Variants in ANXA3 observed in about 807,000 individuals in gnomAD.
The protein encoded by ANXA3 is 35-alpha calcimedin.
A neutral mutation model predicts 48.8 loss-of-function variants in ANXA3; 46 were observed. The ratio of observed to expected loss-of-function variants is 0.94; its 90% CI spans 0.74 to 1.21. The LOEUF (loss-of-function observed/expected upper bound fraction) is 1.21. ANXA3 is among the 50% of genes most tolerant of loss of function. The pLI is 0.00. For synonymous variants in ANXA3, 128 were observed against 134.7 expected (o/e 0.95, Z 0.35); for missense variants, 383 against 378.6 (o/e 1.01, Z -0.10).
At chr4:78,583,251 A>G (rs1723109554) in intron 5 of ANXA3, among the ~76,000 whole-genome samples, 1 of 152,150 alleles carries the variant, frequency 6.6e-6, no homozygotes, top group Non-Finnish European at 1.5e-5. Context: ...CTGTGGTGGG[A>G]GGATCACCTG....
rs191992362 is a variant in ANXA3, at chr4:78,580,138, G to T, written c.198+1017G>T. 2.4e-3 allele frequency among the ~76,000 whole-genome samples: 373 copies of T among 152,270 alleles called. 2 individuals carry two copies. Among genetic ancestry groups the T allele is most frequent in the African/African-American group, 8.4e-3 (347 of 41,554 alleles). ...AAGTAAATAAAAATAATTCAGATAT[G>T]ATAAGTGATATGAAAGAATTAAAAT... On this transcript the variant is annotated intron_variant, in intron 4 of 12. Transcript: ENST00000264908.
chr4:78,604,546 T>C, intron 12 of ANXA3, 147 bp downstream of exon 12: 1 of 619,568 alleles, frequency 1.6e-6, no homozygotes, highest in Non-Finnish European at 2.5e-6. Context: ...CTTAAAATAG[T>C]AGCAGCAAAA....
intron 2 of ANXA3, among the ~76,000 whole-genome samples, chr4:78,563,348 T>C (rs1003768536): frequency 6.6e-6 from 1 of 152,192 alleles, no homozygotes; most frequent in Non-Finnish European, 1.5e-5. Flanking sequence ...CCCCAAATCC[T>C]GCAAAGCCAG....
intron 6 of ANXA3, among the ~76,000 whole-genome samples, chr4:78,587,990 G>A (rs1029975963): frequency 4.6e-5 from 7 of 152,312 alleles, no homozygotes; most frequent in African/African-American, 7.2e-5. Flanking sequence ...CAGCTACTCA[G>A]GAGGCTGAGG....
At chr4:78,591,500 T>C in intron 6 of ANXA3, 44 bp from the exon 7 acceptor site, 1 of 1,325,130 alleles carries the variant, frequency 7.5e-7, no homozygotes, top group Non-Finnish European at 1.1e-6. Flanking sequence ...ATAATCATAT[T>C]TTTCAGTTTG....
At position 78,579,754 on chromosome 4, in the gene ANXA3, C is replaced by T. The variant is rs1195505473; in HGVS notation, c.198+633C>T. Among the ~76,000 whole-genome samples, 25 of 152,146 alleles carry T rather than the reference C, an allele frequency of 1.6e-4. No homozygotes were observed. In the East Asian group the frequency reaches 3.1e-3, roughly 19 times the overall value. On this transcript the variant is annotated intron_variant, in intron 4 of 12. Coordinates refer to ENST00000264908, the MANE Select transcript of ANXA3 (RefSeq NM_005139.3). ...GACCAGCCTGGCCAACATGGTGTAA[C>T]CCCATTTCTACTAAAAATACTGAAA...
intron 1 of ANXA3, 115 bp from the exon 2 acceptor site, chr4:78,554,321 G>C: frequency 1.3e-6 from 1 of 744,056 alleles, no homozygotes; most frequent in South Asian, 1.6e-5. Flanking sequence ...TCCTGAGAAG[G>C]TTTTTCTGTG....
intron 12 of ANXA3, among the ~76,000 whole-genome samples, chr4:78,608,886 T>C (rs1421594411): frequency 6.6e-6 from 1 of 152,202 alleles, no homozygotes; most frequent in Admixed American, 6.5e-5. Flanking sequence ...TTGGATGTAT[T>C]TTCTTGACTA....
At chr4:78,578,611 G>A (rs1723010458) in intron 3 of ANXA3, among the ~76,000 whole-genome samples, 1 of 152,090 alleles carries the variant, frequency 6.6e-6, no homozygotes, top group African/African-American at 2.4e-5. Flanking sequence ...ATGCAGGGCA[G>A]ATTTTCAATA....
intron 11 of ANXA3, chr4:78,603,782 T>A (rs1560452169): frequency 6.6e-6 from 1 of 152,300 alleles, no homozygotes; most frequent in Admixed American, 6.5e-5. Context: ...TACGTATCCT[T>A]GAACGTGGCG....
At chr4:78,563,576 T>C (rs1384215160) in intron 2 of ANXA3, among the ~76,000 whole-genome samples, 3 of 152,152 alleles carry the variant, frequency 2.0e-5, no homozygotes, top group Non-Finnish European at 2.9e-5. Flanking sequence ...ATATGAACCA[T>C]AAAGTGGACC....
At chr4:78,576,508 G>A (rs1198232227) in intron 3 of ANXA3, among the ~76,000 whole-genome samples, 2 of 152,070 alleles carry the variant, frequency 1.3e-5, no homozygotes, top group Admixed American at 6.6e-5. Flanking sequence ...TGTTGCCCAC[G>A]CTAGTCTTGG....
chr4:78,583,843 T>A (rs1017902382), intron 5 of ANXA3, among the ~76,000 whole-genome samples: 4 of 152,130 alleles, frequency 2.6e-5, no homozygotes, highest in Admixed American at 2.6e-4. Flanking sequence ...AGAAAGGTAA[T>A]CTCCCTTACT....
At chr4:78,587,515 G>A (rs923009797) in intron 6 of ANXA3, among the ~76,000 whole-genome samples, 7 of 152,126 alleles carry the variant, frequency 4.6e-5, no homozygotes, top group Non-Finnish European at 8.8e-5. Flanking sequence ...CTATTCAATG[G>A]CCCCATAGAA....
At chr4:78,593,753 C>G (rs1441155835) in intron 7 of ANXA3, among the ~76,000 whole-genome samples, 1 of 148,004 alleles carries the variant, frequency 6.8e-6, no homozygotes, top group Non-Finnish European at 1.5e-5. Flanking sequence ...CCTCCCACTT[C>G]AGCCTCCTGA....
In ANXA3 at chr4:78,595,430, A is replaced by G; in HGVS notation, c.533A>G (p.Asp178Gly). The G allele has an allele frequency of 6.2e-7, 1 of 1,613,506 alleles. No individual in the cohort carries two copies. Among genetic ancestry groups the G allele is most frequent in the South Asian group, 1.1e-5 (1 of 90,852 alleles). Residue 178 changes from aspartate (D) to glycine (G), a missense_variant, in exon 8 of 13, where the codon GAT (aspartate) becomes GGT (glycine). Physicochemically the swap from Asp to Gly is moderately conservative, Grantham distance 94. Coordinates refer to ENST00000264908, the MANE Select transcript of ANXA3 (RefSeq NM_005139.3). ...LKVDEHLAKQ[D>G]AQILYKAGEN... is the part of the protein sequence containing the mutation. ...GTGGATGAGCATCTGGCCAAACAAG[A>G]TGCCCAGGTCAGTAACAAAGCGGGA...
rs1723400060 is a variant in ANXA3, at chr4:78,595,442, G to A, written c.540+5G>A. ...CTGGCCAAACAAGATGCCCAGGTCAGTAACAAAGCGGGAAAACATTTCCTT... is the reference window on the plus strand; with the variant it reads ...CTGGCCAAACAAGATGCCCAGGTCAATAACAAAGCGGGAAAACATTTCCTT... On this transcript the variant is annotated splice_donor_5th_base_variant and intron_variant, in intron 8 of 12. Coordinates refer to ENST00000264908, the MANE Select transcript of ANXA3 (RefSeq NM_005139.3). The A allele has an allele frequency of 6.2e-7, 1 of 1,612,736 alleles. No individual in the cohort carries two copies. The highest frequency in any genetic ancestry group is 1.3e-5 in the African/African-American group (1 of 74,830).
chr4:78,574,345 G>A (rs1430035962), intron 3 of ANXA3, among the ~76,000 whole-genome samples: 2 of 152,114 alleles, frequency 1.3e-5, no homozygotes, highest in Non-Finnish European at 2.9e-5. Flanking sequence ...CTTTGAGCCA[G>A]GGAGGTTGAG....
chr4:78,610,008 C>T, intron 12 of ANXA3, 48 bp from the exon 13 acceptor site: 4 of 1,415,648 alleles, frequency 2.8e-6, no homozygotes, highest in Non-Finnish European at 4.0e-6. Flanking sequence ...TTTATGGTCT[C>T]CCATTATTTA....
Sources: allele counts gnomAD v4.1 joint callset (sites outside exome capture counted in the v4.1 genomes callset), GRCh38; gene constraint gnomAD v4.1.1; transcripts MANE v1.5; gene names NCBI Gene and HGNC (gene_info 2026-07-23, HGNC 2026-07-21).